HERC4: variants seen among roughly 807,000 people sequenced by gnomAD.
HERC4 encodes probable E3 ubiquitin-protein ligase HERC4.
A neutral mutation model predicts 124.3 loss-of-function variants in HERC4; 28 were observed. That is an observed-to-expected ratio of 0.23 (90% CI 0.17 to 0.31). The LOEUF is 0.31. Ranked by LOEUF, HERC4 falls within the 10% of genes least tolerant of loss-of-function variation. HERC4 has a pLI of 1.00. For missense variants in HERC4, 713 were observed against 1,229.3 expected (o/e 0.58, Z 6.28); for synonymous variants, 407 against 421.5 (o/e 0.97, Z 0.42).
intron 3 of HERC4, among the ~76,000 whole-genome samples, chr10:68,051,619 A>C (rs1290889859): frequency 6.6e-6 from 1 of 151,226 alleles, no homozygotes; most frequent in African/African-American, 2.4e-5. Flanking sequence ...TCGGCCTCCC[A>C]AAGTGCTGGG....
rs755153856 is a variant in HERC4 at position 67,998,562 on chromosome 10, A to AGG, written c.1070-5881_1070-5880insCC. 7.4e-3 allele frequency among the ~76,000 whole-genome samples: 232 copies of AGG among 31,516 alleles called. 6 individuals are homozygous for AGG. In the East Asian group the frequency reaches 0.095, roughly 13 times the overall value. 20.7% of individuals were successfully genotyped at this position (31,516 alleles called of 152,430 possible). A position where few individuals can be genotyped will look rare whatever the true frequency, so the allele number is the denominator to read the frequency against. On this transcript the variant is annotated intron_variant, in intron 9 of 24. Coordinates refer to ENST00000373700, the MANE Select transcript of HERC4 (RefSeq NM_015601.4). ...ACTCCACCTCAATTGAAAAAAAAAA[A>AGG]AGGGGGGGGGGTACAGTACTATCCA...
intron 9 of HERC4, chr10:67,995,355 C>CCTAT (rs2308195): frequency 1 from 440,805 of 442,678 alleles, 219,504 homozygotes; most frequent in East Asian, 1. Flanking sequence ...TTAGTTTCTC[C>CCTAT]CTATTATATA....
At chr10:67,978,562 G>T (rs116881803) in intron 15 of HERC4, among the ~76,000 whole-genome samples, 14,662 of 152,302 alleles carry the variant, frequency 0.096, 908 homozygotes, top group Middle Eastern at 0.18. Context: ...CGAAGGGAAG[G>T]ACACAGGCCA....
At chr10:68,025,417 G>A (rs759414307) in intron 8 of HERC4, 129 bp downstream of exon 8, 4 of 996,640 alleles carry the variant, frequency 4.0e-6, no homozygotes, top group African/African-American at 1.6e-5. Flanking sequence ...TGACTCCTCA[G>A]TGGCAAAATA....
intron 3 of HERC4, among the ~76,000 whole-genome samples, chr10:68,046,736 G>A (rs1453121013): frequency 6.6e-6 from 1 of 152,232 alleles, no homozygotes; most frequent in Admixed American, 6.5e-5. Context: ...AGAAGCCAAG[G>A]TGGGAGGATC....
Position 68,044,446 on chromosome 10 carries a change from T to C in HERC4, c.344A>G (p.Gln115Arg), listed in dbSNP as rs2039919345. The change falls in exon 4 of 25, where the codon CAG becomes CGG. Residue 115 changes from glutamine to arginine, a missense_variant. Transcript: ENST00000373700. ...VYAWGLDSDG[Q>R]LGLVGSEECI... ...TTCCTCTGATCCTACCAGGCCAAGC[T>C]GTCCATCAGAATCGAGACCCCAAGC... 1 of 1,614,144 alleles carries C rather than the reference T, an allele frequency of 6.2e-7. No individual in the cohort carries two copies. The highest frequency in any genetic ancestry group is 8.5e-7 in the Non-Finnish European group (1 of 1,180,016).
Position 68,033,859 on chromosome 10 carries a change from A to G in HERC4, c.685+106T>C, listed in dbSNP as rs1424433319. On this transcript the variant is annotated intron_variant, in intron 6 of 24. Coordinates refer to ENST00000373700, the MANE Select transcript of HERC4 (RefSeq NM_015601.4). ...TAAATAACATCTCATCCCCACCTCT[A>G]TACCAGGGAAGATACATTTCTCTCT... 4 of 886,152 alleles carry G rather than the reference A, an allele frequency of 4.5e-6. No individual in the cohort carries two copies. The East Asian group carries it at 1.0e-4, about 23-fold the overall frequency. 54.9% of individuals were successfully genotyped at this position (886,152 alleles called of 1,614,324 possible). A position where few individuals can be genotyped will look rare whatever the true frequency, so the allele number is the denominator to read the frequency against.
At chr10:67,984,615 C>T (rs1296348302) in intron 15 of HERC4, among the ~76,000 whole-genome samples, 2 of 152,034 alleles carry the variant, frequency 1.3e-5, no homozygotes, top group South Asian at 2.1e-4. Flanking sequence ...CAGAGTCTCA[C>T]TCTGTTGCCC....
intron 9 of HERC4, among the ~76,000 whole-genome samples, chr10:67,997,843 G>A (rs1047867193): frequency 6.6e-6 from 1 of 152,144 alleles, no homozygotes; most frequent in African/African-American, 2.4e-5. Flanking sequence ...TCGGCCCTCT[G>A]TATCCATAGG....
intron 3 of HERC4, among the ~76,000 whole-genome samples, chr10:68,055,755 C>CTTT (rs201966338): frequency 7.0e-6 from 1 of 143,074 alleles, no homozygotes. Flanking sequence ...TTACAATATC[C>CTTT]TTTTTTTTTT....
At chr10:68,075,060 G>C (rs1251436121) in intron 1 of HERC4, 84 bp downstream of exon 1, 1 of 152,896 alleles carries the variant, frequency 6.5e-6, no homozygotes, top group African/African-American at 2.4e-5. Context: ...TCCTCTGTCA[G>C]CCAGTGGCGA....
At position 67,954,621 on chromosome 10, in the gene HERC4, A is replaced by T; in HGVS notation, c.2311T>A (p.Ser771Thr). The change falls in exon 19 of 25, where the codon TCC becomes ACC. Residue 771 changes from serine (S) to threonine (T), a missense_variant. Coordinates refer to ENST00000373700, the MANE Select transcript of HERC4 (RefSeq NM_015601.4). ...TTATCAGAAAACCAAATGAGCCTGG[A>T]ATCTTCATAATACCTAAACATGCCG... ...KYGMFRYYEDSRLIWFSDKTF... is the reference protein window; with the variant it reads ...KYGMFRYYEDTRLIWFSDKTF... The T allele has an allele frequency of 6.2e-7, 1 of 1,613,118 alleles. No homozygotes were observed.
At chr10:68,046,160 A>G (rs2040004018) in intron 3 of HERC4, among the ~76,000 whole-genome samples, 1 of 152,174 alleles carries the variant, frequency 6.6e-6, no homozygotes, top group Non-Finnish European at 1.5e-5. Context: ...AATACTTAGA[A>G]GCATCATTTG....
intron 3 of HERC4, chr10:68,067,913 T>C (rs1032537241): frequency 4.6e-5 from 7 of 152,234 alleles, no homozygotes; most frequent in Non-Finnish European, 7.3e-5. Flanking sequence ...CTTTTGTTGG[T>C]ACAATATTAC....
intron 8 of HERC4, among the ~76,000 whole-genome samples, chr10:68,016,761 G>A (rs761780887): frequency 2.0e-5 from 3 of 152,080 alleles, no homozygotes; most frequent in Non-Finnish European, 4.4e-5. Flanking sequence ...CTCAATAGTC[G>A]AAATTTTACC....
At chr10:68,024,999 C>A (rs1016643116) in intron 8 of HERC4, among the ~76,000 whole-genome samples, 1 of 152,120 alleles carries the variant, frequency 6.6e-6, no homozygotes, top group Non-Finnish European at 1.5e-5. Flanking sequence ...ACTGGTCGAT[C>A]TCTTCACCCT....
At chr10:68,020,240 CCA>C (rs2038526937) in intron 8 of HERC4, among the ~76,000 whole-genome samples, 1 of 152,032 alleles carries the variant, frequency 6.6e-6, no homozygotes. Context: ...TATTAAATGT[CCA>C]GTTTTCAAAA....
At chr10:67,939,683 G>A (rs997234345) in intron 20 of HERC4, 29 bp from the exon 21 acceptor site, 7 of 1,399,702 alleles carry the variant, frequency 5.0e-6, no homozygotes, top group Non-Finnish European at 6.9e-6. Context: ...GTTTCTGAGA[G>A]GAAAAAATTA....
chr10:68,014,989 G>C (rs980313128), intron 8 of HERC4, among the ~76,000 whole-genome samples: 1 of 152,142 alleles, frequency 6.6e-6, no homozygotes, highest in African/African-American at 2.4e-5. Flanking sequence ...TATAAAAGTG[G>C]CTGAAATTAT....
Sources: gnomAD v4.1 joint callset for allele counts (sites outside exome capture counted in the v4.1 genomes callset) on GRCh38, gnomAD v4.1.1 for gene constraint, MANE v1.5 for transcripts, NCBI Gene and HGNC (gene_info 2026-07-23, HGNC 2026-07-21) for gene names.